Variants in PHF21B observed in about 807,000 individuals in gnomAD.
The protein encoded by PHF21B is PHD finger protein 21B.
PHF21B carries 22 observed loss-of-function variants against 62.2 expected under a neutral mutation model. The ratio of observed to expected loss-of-function variants is 0.35; its 90% CI spans 0.25 to 0.51. The LOEUF is 0.51. Among genes scored for constraint, PHF21B ranks in the 20% least tolerant of loss-of-function variants. The pLI is 0.97. For synonymous variants in PHF21B, 341 were observed against 314.7 expected, an observed-to-expected ratio of 1.08 and a Z score of -0.88; for missense variants, 701 against 707.9, an observed-to-expected ratio of 0.99 and a Z score of 0.11.
At chr22:44,952,207 G>T (rs1265533811) in intron 2 of PHF21B, among the ~76,000 whole-genome samples, 2 of 152,160 alleles carry the variant, frequency 1.3e-5, no homozygotes, top group Non-Finnish European at 2.9e-5. Flanking sequence ...GCTAGGCGTG[G>T]TGGCAGACGC....
At chr22:44,913,282 C>G (rs1003022715) in intron 5 of PHF21B, among the ~76,000 whole-genome samples, 2 of 152,202 alleles carry the variant, frequency 1.3e-5, no homozygotes, top group South Asian at 2.1e-4. Context: ...GTCCTGCACA[C>G]ACCCAGGACT....
At chr22:44,945,003 T>G (rs1462008611) in intron 2 of PHF21B, among the ~76,000 whole-genome samples, 1 of 116,034 alleles carries the variant, frequency 8.6e-6, no homozygotes, top group African/African-American at 3.0e-5. Context: ...ATGAGATTCC[T>G]GCATACCGGG....
chr22:44,909,430 C>T (rs1385745683), intron 5 of PHF21B, among the ~76,000 whole-genome samples: 1 of 152,194 alleles, frequency 6.6e-6, no homozygotes. Flanking sequence ...CAGAATGGAA[C>T]GGACTTTCTT....
At chr22:44,916,851 T>A (rs925613494) in intron 3 of PHF21B, among the ~76,000 whole-genome samples, 1 of 152,210 alleles carries the variant, frequency 6.6e-6, no homozygotes, top group Non-Finnish European at 1.5e-5. Context: ...GGGGCTGCTC[T>A]GGACCCACGG....
At chr22:44,958,451 C>T (rs1010991588) in intron 2 of PHF21B, among the ~76,000 whole-genome samples, 1 of 152,118 alleles carries the variant, frequency 6.6e-6, no homozygotes, top group Non-Finnish European at 1.5e-5. Context: ...CCATATGGTT[C>T]TCTCTGCCAA....
At chr22:45,004,239 T>C (rs889106208) in intron 2 of PHF21B, among the ~76,000 whole-genome samples, 4 of 152,204 alleles carry the variant, frequency 2.6e-5, no homozygotes, top group African/African-American at 9.7e-5. Context: ...CTATGTAAAA[T>C]ATATCTCAAT....
intron 12 of PHF21B, among the ~76,000 whole-genome samples, chr22:44,884,295 A>G (rs1033161891): frequency 3.1e-5 from 3 of 97,516 alleles, no homozygotes; most frequent in Admixed American, 9.1e-5. Context: ...CACCATTATC[A>G]CCACCACCAC....
At chr22:44,991,180 C>T (rs2073037281) in intron 2 of PHF21B, among the ~76,000 whole-genome samples, 2 of 152,184 alleles carry the variant, frequency 1.3e-5, no homozygotes, top group East Asian at 3.9e-4. Context: ...ATTTGTGCAC[C>T]AAGGGGATTA....
At chr22:44,983,495 G>A (rs923113073) in intron 2 of PHF21B, among the ~76,000 whole-genome samples, 2 of 152,186 alleles carry the variant, frequency 1.3e-5, no homozygotes, top group African/African-American at 4.8e-5. Flanking sequence ...ACTGCAGGGA[G>A]GGGTCCCTGT....
In PHF21B at chr22:44,920,548, T is replaced by G. The variant is rs561566158; in HGVS notation, c.121-58A>C. The stretch of plus-strand genomic sequence containing the variant: ...GAGGAGCAGCTGAGACCGAATCCGT[T>G]GCCCCCAGCCTGGCCAAGCAGGGGG... On this transcript the variant is annotated intron_variant, in intron 2 of 12. Transcript: ENST00000313237. 25 of 1,405,546 alleles carry G rather than the reference T, an allele frequency of 1.8e-5. No individual in the cohort carries two copies. In the African/African-American group the frequency reaches 3.6e-4, roughly 20 times the overall value. 87.1% of individuals were successfully genotyped at this position (1,405,546 alleles called of 1,614,324 possible).
chr22:44,926,489 G>A (rs1336123609), intron 2 of PHF21B, among the ~76,000 whole-genome samples: 4 of 152,114 alleles, frequency 2.6e-5, no homozygotes, highest in Non-Finnish European at 2.9e-5. Context: ...CCCGTGAGGA[G>A]GTGTGGGCTG....
At chr22:44,892,156 C>A (rs568086477) in intron 7 of PHF21B, among the ~76,000 whole-genome samples, 2 of 151,336 alleles carry the variant, frequency 1.3e-5, no homozygotes, top group Admixed American at 6.6e-5. Flanking sequence ...GAATGAAGCC[C>A]TCCCTGTCTG....
At chr22:44,893,599 G>T in intron 6 of PHF21B, 66 bp from the exon 7 acceptor site, 1 of 1,471,980 alleles carries the variant, frequency 6.8e-7, no homozygotes, top group Non-Finnish European at 9.3e-7. Context: ...ATGCTTCCTT[G>T]CCAAGCCCTG....
At chr22:44,964,457 AG>A (rs2072485416) in intron 2 of PHF21B, among the ~76,000 whole-genome samples, 2 of 151,972 alleles carry the variant, frequency 1.3e-5, no homozygotes, top group Admixed American at 1.3e-4. Flanking sequence ...GGGGGCGCAG[AG>A]GAGGACCACT....
chr22:44,902,769 A>G (rs2071183342), intron 5 of PHF21B, among the ~76,000 whole-genome samples: 1 of 151,678 alleles, frequency 6.6e-6, no homozygotes, highest in African/African-American at 2.4e-5. Flanking sequence ...TTTTCCTAGT[A>G]TTCTTTATGT....
chr22:44,940,268 T>C (rs2071930528), intron 2 of PHF21B, among the ~76,000 whole-genome samples: 1 of 152,208 alleles, frequency 6.6e-6, no homozygotes, highest in Non-Finnish European at 1.5e-5. Flanking sequence ...TATTCCCACA[T>C]TCCTAACAGG....
Position 45,009,738 on chromosome 22 carries a change from C to A in PHF21B, c.-189G>T, listed in dbSNP as rs1403826445. On this transcript the variant is annotated 5_prime_UTR_variant, in exon 1 of 13. Coordinates refer to ENST00000313237, the MANE Select transcript of PHF21B (RefSeq NM_138415.5). This position sits in a 1 kb window ranked among gnomAD's most constrained non-coding sequence, Gnocchi z 5.9. ...AAGGGGAAGACAGGCTTCCGGGCGCCGCGGCGCCGAGCCCTCGGCTGCCCC... is the reference window on the plus strand; with the variant it reads ...AAGGGGAAGACAGGCTTCCGGGCGCAGCGGCGCCGAGCCCTCGGCTGCCCC... 1 of 488,006 alleles carries A rather than the reference C, an allele frequency of 2.0e-6. No individual in the cohort carries two copies. Among genetic ancestry groups the A allele is most frequent in the Non-Finnish European group, 3.5e-6 (1 of 287,258 alleles). The allele number at this position is 488,006 out of a possible 1,614,324, so 30.2% of individuals were successfully genotyped here.
intron 2 of PHF21B, among the ~76,000 whole-genome samples, chr22:44,984,266 T>TCACCAC (rs1238048911): frequency 1.5e-5 from 2 of 131,902 alleles, no homozygotes; most frequent in Non-Finnish European, 1.6e-5. Flanking sequence ...ATCATCACCA[T>TCACCAC]CACCACCACC....
At chr22:44,897,951 G>C (rs1198389881) in intron 5 of PHF21B, among the ~76,000 whole-genome samples, 2 of 152,108 alleles carry the variant, frequency 1.3e-5, no homozygotes, top group African/African-American at 4.8e-5. Flanking sequence ...TGAGACTACA[G>C]GTGCACACCA....
Sources: allele counts gnomAD v4.1 joint callset (sites outside exome capture counted in the v4.1 genomes callset), GRCh38; gene constraint gnomAD v4.1.1; non-coding constraint Gnocchi (gnomAD v3.1); transcripts MANE v1.5; gene names NCBI Gene and HGNC (gene_info 2026-07-23, HGNC 2026-07-21).